Variants in RELN observed in about 807,000 individuals in gnomAD.
The protein encoded by RELN is reelin.
In RELN, 108 loss-of-function variants were observed where a neutral mutation model predicts 427.6. That is an observed-to-expected ratio of 0.25 (90% CI 0.22 to 0.30). The LOEUF (loss-of-function observed/expected upper bound fraction) is 0.30, where lower values mean the gene tolerates loss of function less well. Ranked by LOEUF, RELN falls within the 10% of genes least tolerant of loss-of-function variation. RELN has a pLI of 1.00. For missense variants in RELN, 3,715 were observed against 4,302.8 expected, an observed-to-expected ratio of 0.86 and a Z score of 3.82; for synonymous variants, 1,524 against 1,513.4, an observed-to-expected ratio of 1.01 and a Z score of -0.16.
chr7:103,647,917 T>A (rs34945815), intron 16 of RELN, among the ~76,000 whole-genome samples: 1 of 151,710 alleles, frequency 6.6e-6, no homozygotes, highest in African/African-American at 2.4e-5. Flanking sequence ...AGCCAACTGA[T>A]CTTAAACAAT....
chr7:103,892,184 T>G (rs568755471), intron 2 of RELN, among the ~76,000 whole-genome samples: 5 of 152,284 alleles, frequency 3.3e-5, no homozygotes, highest in African/African-American at 9.6e-5. Flanking sequence ...CTTTAATCAG[T>G]TGGAAATTGA....
intron 2 of RELN, among the ~76,000 whole-genome samples, chr7:103,908,602 T>A (rs1202391562): frequency 6.6e-6 from 1 of 152,212 alleles, no homozygotes; most frequent in Non-Finnish European, 1.5e-5. Flanking sequence ...ATATCTGCTT[T>A]AACAATTTAT....
At chr7:103,613,742 A>G (rs1470552548) in intron 20 of RELN, among the ~76,000 whole-genome samples, 2 of 152,228 alleles carry the variant, frequency 1.3e-5, no homozygotes, top group East Asian at 3.8e-4. Context: ...CAGGGGAGAA[A>G]GCCTAACAGT....
intron 1 of RELN, among the ~76,000 whole-genome samples, chr7:103,952,735 A>C (rs1023448911): frequency 6.6e-6 from 1 of 152,222 alleles, no homozygotes; most frequent in Non-Finnish European, 1.5e-5. Flanking sequence ...AAACCTTACA[A>C]AGTAGCTGTT....
At chr7:103,970,540 G>A (rs892794396) in intron 1 of RELN, among the ~76,000 whole-genome samples, 1 of 152,046 alleles carries the variant, frequency 6.6e-6, no homozygotes, top group African/African-American at 2.4e-5. Context: ...TGGCTCCCAA[G>A]GATAGTGCTG....
At chr7:103,794,490 A>G (rs1792248030) in intron 3 of RELN, among the ~76,000 whole-genome samples, 1 of 152,050 alleles carries the variant, frequency 6.6e-6, no homozygotes, top group African/African-American at 2.4e-5. Context: ...GTCCCCTTTG[A>G]TTTTTCACTT....
chr7:103,605,932 T>C (rs1831808125), intron 22 of RELN, among the ~76,000 whole-genome samples: 1 of 152,184 alleles, frequency 6.6e-6, no homozygotes, highest in African/African-American at 2.4e-5. Context: ...TCAGTGCTTG[T>C]CATGGAACAT....
chr7:103,758,104 T>C (rs1262017711), intron 4 of RELN, among the ~76,000 whole-genome samples: 1 of 152,184 alleles, frequency 6.6e-6, no homozygotes, highest in East Asian at 1.9e-4. Flanking sequence ...TGTGAATGTA[T>C]TTGTGTTTCG....
intron 2 of RELN, among the ~76,000 whole-genome samples, chr7:103,916,349 T>C (rs1400243867): frequency 6.6e-6 from 1 of 152,204 alleles, no homozygotes; most frequent in Non-Finnish European, 1.5e-5. Flanking sequence ...GTGTAATCTT[T>C]CAATTTTGGA....
In RELN at chr7:103,660,878, A is replaced by G. The variant is rs190596642; in HGVS notation, c.1441+498T>C. 3.5e-3 allele frequency among the ~76,000 whole-genome samples: 528 copies of G among 152,342 alleles called. 3 individuals are homozygous for G. The highest frequency in any genetic ancestry group is 5.5e-3 in the Non-Finnish European group (376 of 68,034). On this transcript the variant is annotated intron_variant, in intron 12 of 64. Transcript: ENST00000428762. ...GCTCTACAATACTTTGAAGAAAACT[A>G]TAACTTATGAACACATGTTTTTCTT...
chr7:103,897,013 G>A lies in RELN; in HGVS notation c.337+20062C>T, dbSNP rs192530288. 5.3e-5 allele frequency among the ~76,000 whole-genome samples: 8 copies of A among 152,096 alleles called. No homozygotes were observed. In the East Asian group the frequency reaches 5.8e-4, roughly 11 times the overall value. ...GGAGGAGCAAAGGTATGTCTTACACGGCAGCAGGCAAGAAAGCTTGTGTAG... is the reference window on the plus strand; with the variant it reads ...GGAGGAGCAAAGGTATGTCTTACACAGCAGCAGGCAAGAAAGCTTGTGTAG... On this transcript the variant is annotated intron_variant, in intron 2 of 64. Coordinates refer to ENST00000428762, the MANE Select transcript of RELN (RefSeq NM_005045.4).
chr7:103,486,095 C>T (rs1280251358), intron 61 of RELN, 102 bp downstream of exon 61: 4 of 1,067,392 alleles, frequency 3.7e-6, no homozygotes, highest in Non-Finnish European at 5.8e-6. Flanking sequence ...TGCTTAGTGA[C>T]ATCTGTGCCA....
At chr7:103,684,566 A>T (rs910304133) in intron 10 of RELN, among the ~76,000 whole-genome samples, 4 of 152,180 alleles carry the variant, frequency 2.6e-5, no homozygotes, top group African/African-American at 9.6e-5. Context: ...AATCAAGATG[A>T]TAAGGACTGA....
At chr7:103,950,656 C>T (rs1411780532) in intron 1 of RELN, among the ~76,000 whole-genome samples, 2 of 152,088 alleles carry the variant, frequency 1.3e-5, no homozygotes, top group African/African-American at 4.8e-5. Flanking sequence ...TTTCCTAGTG[C>T]CTTCTACCAG....
rs1832335252 is a variant in RELN, at chr7:103,626,603, T to C, written c.2702+3337A>G. Among the ~76,000 whole-genome samples the C allele has an allele frequency of 6.6e-6, 1 of 152,092 alleles. No individual in the cohort carries two copies. The highest frequency in any genetic ancestry group is 2.1e-4 in the South Asian group (1 of 4,822). ...CTGGCCTCAGGTGATCCGCCCACCT[T>C]GGCCTCCAAAGTGCACAAGCCACTG... On this transcript the variant is annotated intron_variant, in intron 20 of 64. Coordinates refer to ENST00000428762, the MANE Select transcript of RELN (RefSeq NM_005045.4). The surrounding 1 kb of genome is among the most constrained non-coding windows in gnomAD (Gnocchi z 4.4).
In RELN at chr7:103,654,076, C is replaced by A. The variant is rs1832977238; in HGVS notation, c.1554+17G>T. 2 of 1,440,996 alleles carry A rather than the reference C, an allele frequency of 1.4e-6. No homozygotes were observed. Among genetic ancestry groups the A allele is most frequent in the Non-Finnish European group, 2.0e-6 (2 of 1,022,586 alleles). 89.3% of individuals were successfully genotyped at this position (1,440,996 alleles called of 1,614,324 possible). On this transcript the variant is annotated intron_variant, in intron 13 of 64. Transcript: ENST00000428762. Reference sequence around the variant, plus strand: ...GGTCTGAGGTGGTCTATTTGCCACACAGACTGGCATGTGTACCTTATATGA... The same window carrying A: ...GGTCTGAGGTGGTCTATTTGCCACAAAGACTGGCATGTGTACCTTATATGA...
chr7:103,933,021 C>T (rs1031986796), intron 1 of RELN, among the ~76,000 whole-genome samples: 4 of 152,162 alleles, frequency 2.6e-5, no homozygotes, highest in Non-Finnish European at 1.5e-5. Context: ...ACAACTGCCC[C>T]TCTAGGGCAA....
At chr7:103,795,354 A>C (rs1397198144) in intron 3 of RELN, among the ~76,000 whole-genome samples, 1 of 152,204 alleles carries the variant, frequency 6.6e-6, no homozygotes, top group Non-Finnish European at 1.5e-5. Context: ...GCAAGTCAAA[A>C]TGTGCAGTGT....
chr7:103,882,873 T>G (rs948068921), intron 2 of RELN, among the ~76,000 whole-genome samples: 3 of 152,208 alleles, frequency 2.0e-5, no homozygotes, highest in Non-Finnish European at 4.4e-5. Context: ...GAGGAGCTGG[T>G]ACCATTCCTT....
Sources: gnomAD v4.1 joint callset for allele counts (sites outside exome capture counted in the v4.1 genomes callset) on GRCh38, gnomAD v4.1.1 for gene constraint, Gnocchi (gnomAD v3.1) non-coding constraint, MANE v1.5 for transcripts, NCBI Gene and HGNC (gene_info 2026-07-23, HGNC 2026-07-21) for gene names.